NCKAP1: variants seen among roughly 807,000 people sequenced by gnomAD.
NCKAP1 encodes nck-associated protein 1.
NCKAP1 carries 21 observed loss-of-function variants against 151.2 expected under a neutral mutation model. The ratio of observed to expected loss-of-function variants is 0.14; its 90% confidence interval spans 0.10 to 0.20. NCKAP1 has a LOEUF of 0.20. Ranked by LOEUF, NCKAP1 falls within the 10% of genes least tolerant of loss-of-function variation. NCKAP1 has a pLI of 1.00. For synonymous variants in NCKAP1, 484 were observed against 451.8 expected, an observed-to-expected ratio of 1.07 and a Z score of -0.90; for missense variants, 933 against 1,352.1, an observed-to-expected ratio of 0.69 and a Z score of 4.86.
chr2:182,934,620 G>T, intron 26 of NCKAP1, 132 bp downstream of exon 26: 1 of 571,250 alleles, frequency 1.8e-6, no homozygotes, highest in Non-Finnish European at 3.1e-6. Context: ...AATTACAAAG[G>T]CAAGCATGCT....
chr2:183,032,420 G>A (rs562556252), intron 1 of NCKAP1, among the ~76,000 whole-genome samples: 3 of 152,230 alleles, frequency 2.0e-5, no homozygotes, highest in East Asian at 3.9e-4. Context: ...ACATCAGAGC[G>A]TACTTACATA....
chr2:182,962,446 C>G (rs776799832), intron 17 of NCKAP1, among the ~76,000 whole-genome samples, 168 bp from the exon 18 acceptor site: 3 of 151,968 alleles, frequency 2.0e-5, no homozygotes, highest in Non-Finnish European at 4.4e-5. Context: ...ACTCACCATA[C>G]TGTATTTGAA....
rs1295917996 is a variant in NCKAP1, at chr2:182,957,441, A to G, written c.2021+16T>C. On this transcript the variant is annotated intron_variant, in intron 19 of 30. Coordinates refer to ENST00000361354, the MANE Select transcript of NCKAP1 (RefSeq NM_013436.5). ...TTTACCTGGAGCAAAAAGGTATAAT[A>G]TAAGTGGATACTTACTTGGTCACAA... 1.1e-5 allele frequency: 18 copies of G among 1,606,876 alleles called. No homozygotes were observed. The highest frequency in any genetic ancestry group is 1.7e-4 in the Middle Eastern group (1 of 6,002).
chr2:182,994,942 A>G, intron 7 of NCKAP1, 55 bp from the exon 8 acceptor site: 1 of 1,384,554 alleles, frequency 7.2e-7, no homozygotes, highest in Non-Finnish European at 1.0e-6. Flanking sequence ...AAAATATTCC[A>G]TATTGAGCCA....
intron 24 of NCKAP1, among the ~76,000 whole-genome samples, chr2:182,937,114 C>CAAAA (rs67087110): frequency 3.7e-5 from 3 of 80,834 alleles, no homozygotes; most frequent in Admixed American, 2.0e-4. Context: ...GACTGTCTCA[C>CAAAA]AAAAAAAAAA....
In NCKAP1 at chr2:183,002,380, A is replaced by T. The variant is rs530036852; in HGVS notation, c.370-111T>A. ...GCTAATAATTTTCTGTATTTATTTT[A>T]TCCCTGTTCTAAAATGCTAATTCCT... On this transcript the variant is annotated intron_variant, in intron 4 of 30. Coordinates refer to ENST00000361354, the MANE Select transcript of NCKAP1 (RefSeq NM_013436.5). The T allele has an allele frequency of 4.7e-4, 360 of 762,520 alleles. 8 individuals are homozygous for T. In the South Asian group the frequency reaches 7.9e-3, roughly 17 times the overall value. 47.2% of individuals were successfully genotyped at this position (762,520 alleles called of 1,614,324 possible).
intron 10 of NCKAP1, among the ~76,000 whole-genome samples, chr2:182,984,184 A>G (rs1218997555): frequency 6.6e-6 from 1 of 152,182 alleles, no homozygotes; most frequent in Non-Finnish European, 1.5e-5. Context: ...TGAATACACA[A>G]GAGCTATAGT....
chr2:182,911,507 T>C lies in NCKAP1; in HGVS notation c.*14195A>G, dbSNP rs1422689700. Reference sequence around the variant, plus strand: ...TTTATATACTGTTATAAACAGACTATGTGAAAAAATTTGAAATATAAACTC... The same window carrying C: ...TTTATATACTGTTATAAACAGACTACGTGAAAAAATTTGAAATATAAACTC... On this transcript the variant is annotated 3_prime_UTR_variant, in exon 31 of 31. Transcript: ENST00000361354. The C allele has an allele frequency of 1.3e-5, 2 of 152,198 alleles. No individual in the cohort carries two copies. Among genetic ancestry groups the C allele is most frequent in the African/African-American group, 4.8e-5 (2 of 41,444 alleles). 9.4% of individuals were successfully genotyped at this position (152,198 alleles called of 1,614,324 possible).
chr2:182,980,872 T>C (rs1245716611), intron 13 of NCKAP1, among the ~76,000 whole-genome samples: 1 of 152,202 alleles, frequency 6.6e-6, no homozygotes, highest in Non-Finnish European at 1.5e-5. Context: ...TGCCTCCTCA[T>C]TTGGTTCCCA....
chr2:182,995,323 A>G (rs1166151962), intron 7 of NCKAP1, among the ~76,000 whole-genome samples: 1 of 152,180 alleles, frequency 6.6e-6, no homozygotes, highest in Non-Finnish European at 1.5e-5. Flanking sequence ...TATGTTCATA[A>G]ATACAGAGAA....
Position 182,910,232 on chromosome 2 carries a change from C to T in NCKAP1, c.*15470G>A, listed in dbSNP as rs1696366092. 1 of 152,120 alleles carries T rather than the reference C, an allele frequency of 6.6e-6. No individual in the cohort carries two copies. Among genetic ancestry groups the T allele is most frequent in the Admixed American group, 6.5e-5 (1 of 15,268 alleles). 9.4% of individuals were successfully genotyped at this position (152,120 alleles called of 1,614,324 possible). ...TACATCATTTTGGAGTCCAAGTAAACCTGCTGTGGGACAACCCTTGCCACC... is the reference window on the plus strand; with the variant it reads ...TACATCATTTTGGAGTCCAAGTAAATCTGCTGTGGGACAACCCTTGCCACC... On this transcript the variant is annotated 3_prime_UTR_variant, in exon 31 of 31. Coordinates refer to ENST00000361354, the MANE Select transcript of NCKAP1 (RefSeq NM_013436.5).
intron 26 of NCKAP1, among the ~76,000 whole-genome samples, chr2:182,931,259 A>T (rs557401191): frequency 8.8e-4 from 134 of 152,216 alleles, no homozygotes; most frequent in Middle Eastern, 3.4e-3. Flanking sequence ...TTCATTTAAA[A>T]ATCTGATAAG....
chr2:182,965,984 T>A (rs1281546784), intron 16 of NCKAP1, among the ~76,000 whole-genome samples: 1 of 152,170 alleles, frequency 6.6e-6, no homozygotes, highest in Admixed American at 6.5e-5. Context: ...ACCTGGTGAT[T>A]TGAATTTCTT....
intron 2 of NCKAP1, among the ~76,000 whole-genome samples, chr2:183,006,933 G>A (rs1035512761): frequency 7.2e-5 from 11 of 152,148 alleles, no homozygotes; most frequent in African/African-American, 2.7e-4. Flanking sequence ...GTGTAGTGGT[G>A]TGATGTCGGC....
At chr2:182,939,058 T>C (rs1337014163) in intron 24 of NCKAP1, among the ~76,000 whole-genome samples, 4 of 152,136 alleles carry the variant, frequency 2.6e-5, no homozygotes, top group Non-Finnish European at 5.9e-5. Flanking sequence ...CAGAAAGGTA[T>C]GTGAATAGAA....
At chr2:183,002,338 C>T in intron 4 of NCKAP1, 69 bp from the exon 5 acceptor site, 1 of 1,098,028 alleles carries the variant, frequency 9.1e-7, no homozygotes, top group Non-Finnish European at 1.3e-6. Flanking sequence ...ACAAAATCTT[C>T]ATAGAAGCTA....
At chr2:182,949,693 C>G (rs572560547) in intron 23 of NCKAP1, among the ~76,000 whole-genome samples, 3 of 152,184 alleles carry the variant, frequency 2.0e-5, no homozygotes, top group African/African-American at 4.8e-5. Context: ...ACTCAGGAGG[C>G]TGAGGTGACA....
intron 14 of NCKAP1, among the ~76,000 whole-genome samples, chr2:182,977,455 A>T (rs910044931): frequency 3.9e-5 from 6 of 152,196 alleles, no homozygotes; most frequent in African/African-American, 1.4e-4. Flanking sequence ...GTACCACAGC[A>T]CTCCAGCCTG....
chr2:182,936,519 T>C (rs1008754561), intron 24 of NCKAP1, among the ~76,000 whole-genome samples: 1 of 152,194 alleles, frequency 6.6e-6, no homozygotes, highest in East Asian at 1.9e-4. Flanking sequence ...TATTTGTATA[T>C]ACATAACAAA....
Sources: gnomAD v4.1 joint callset for allele counts (sites outside exome capture counted in the v4.1 genomes callset) on GRCh38, gnomAD v4.1.1 for gene constraint, MANE v1.5 for transcripts, NCBI Gene and HGNC (gene_info 2026-07-23, HGNC 2026-07-21) for gene names.